XPNPEP2: variants seen among roughly 807,000 people sequenced by gnomAD.
XPNPEP2 encodes xaa-Pro aminopeptidase 2.
Under a neutral mutation model 59.8 loss-of-function variants are expected in XPNPEP2, and 64 were observed. The observed-to-expected ratio is 1.07, with a 90% confidence interval of 0.87 to 1.32. The LOEUF is 1.32. XPNPEP2 is among the 40% of genes most tolerant of loss of function. The pLI, the probability that XPNPEP2 is intolerant of heterozygous loss-of-function variation, is 0.00. For synonymous variants in XPNPEP2, 235 were observed against 210.0 expected, an observed-to-expected ratio of 1.12 and a Z score of -1.03; for missense variants, 575 against 546.8, an observed-to-expected ratio of 1.05 and a Z score of -0.51.
intron 14 of XPNPEP2, among the ~76,000 whole-genome samples, chrX:129,757,709 C>T (rs188435748): frequency 9.5e-6 from 1 of 104,805 alleles, no homozygotes; most frequent in African/African-American, 3.5e-5. Context: ...GCAGGAGAAT[C>T]GCTTGAACCC....
intron 3 of XPNPEP2, 28 bp downstream of exon 3, chrX:129,744,099 C>T: frequency 8.6e-7 from 1 of 1,160,200 alleles, no homozygotes; most frequent in Non-Finnish European, 1.2e-6. Context: ...TCCCCCTTGC[C>T]CTCTCTGCTA....
In XPNPEP2 at chrX:129,757,091, C is replaced by CACAT. The variant is rs1556393448; in HGVS notation, c.1367+537_1367+538insCATA. 4.0e-5 allele frequency among the ~76,000 whole-genome samples: 4 copies of CACAT among 100,069 alleles called. No homozygotes were observed. In the East Asian group the frequency reaches 1.0e-3, roughly 25 times the overall value. 86.9% of individuals were successfully genotyped at this position (100,069 alleles called of 115,157 possible). On this transcript the variant is annotated intron_variant, in intron 14 of 20. Coordinates refer to ENST00000371106, the MANE Select transcript of XPNPEP2 (RefSeq NM_003399.6). ...ACACACATACACACACACACACACA[C>CACAT]ATATATATATATGTATGTATTAGTA...
At chrX:129,757,803 GAAAGA>G (rs1926557582) in intron 14 of XPNPEP2, among the ~76,000 whole-genome samples, 1 of 60,776 alleles carries the variant, frequency 1.6e-5, no homozygotes, top group African/African-American at 7.7e-5. Flanking sequence ...AAGGAAGAAA[GAAAGA>G]AAGAAAGAAA....
intron 8 of XPNPEP2, 51 bp downstream of exon 8, chrX:129,750,620 C>T (rs1389888165): frequency 9.6e-7 from 1 of 1,039,370 alleles, no homozygotes. Flanking sequence ...CCCCAATGCC[C>T]CAAGCCTCCC....
intron 1 of XPNPEP2, among the ~76,000 whole-genome samples, chrX:129,741,564 C>G (rs1203783658): frequency 2.7e-5 from 3 of 112,125 alleles, no homozygotes; most frequent in African/African-American, 9.7e-5. Context: ...CCATCTTTCC[C>G]CACCATGGCA....
chrX:129,767,778 C>T (rs1447896727), intron 20 of XPNPEP2, 86 bp downstream of exon 20: 2 of 1,019,219 alleles, frequency 2.0e-6, no homozygotes, highest in African/African-American at 3.8e-5. Context: ...GTCCCTGCCC[C>T]TCCTCCAGGA....
Position 129,747,613 on chromosome X carries a change from G to T in XPNPEP2, c.497G>T (p.Trp166Leu). The T allele has an allele frequency of 8.3e-7, 1 of 1,211,590 alleles. No homozygotes were observed. Residue 166 changes from tryptophan (W) to leucine (L), a missense_variant, in exon 7 of 21, where the codon TGG becomes TTG. Trp to Leu is a moderately conservative substitution (Grantham distance 61). Transcript: ENST00000371106. The stretch of plus-strand genomic sequence containing the variant: ...CTCCTTCTTGTCTCTGCAGACACCT[G>T]GGAGAGTTATGATCTGGCCCTCCAA... Reference protein sequence around the residue: ...FDPFLLSIDTWESYDLALQGS... With the variant: ...FDPFLLSIDTLESYDLALQGS...
chrX:129,746,212 G>T lies in XPNPEP2; in HGVS notation c.299-24G>T, dbSNP rs748170691. On this transcript the variant is annotated intron_variant, in intron 4 of 20. Coordinates refer to ENST00000371106, the MANE Select transcript of XPNPEP2 (RefSeq NM_003399.6). ...ACGTTCCTCCCCTTCACCCTCACCT[G>T]CAAGTTTCTCTGTTCTGCCCCAGGA... 2.0e-5 allele frequency: 24 copies of T among 1,192,928 alleles called. No individual in the cohort carries two copies. In the East Asian group the frequency reaches 2.7e-4, roughly 13 times the overall value.
chrX:129,760,271 A>T (rs1436466837), intron 15 of XPNPEP2, among the ~76,000 whole-genome samples: 1 of 112,512 alleles, frequency 8.9e-6, no homozygotes, highest in Non-Finnish European at 1.9e-5. Context: ...TATTGTAATG[A>T]TCCTCATAGA....
rs1301691244 is a variant in XPNPEP2 at position 129,744,020 on chromosome X, G to A, written c.183G>A (p.Met61Ile). The part of the protein sequence containing the change: ...TMSLTALRQQ[M>I]QTQNLSAYII... ...CACTCACAGCCCTCCGCCAGCAGAT[G>A]CAGACCCAGAATCTCTCAGCCTACA... The change falls in exon 3 of 21, where the codon ATG (methionine) becomes ATA (isoleucine). Residue 61 changes from methionine to isoleucine, a missense_variant. By Grantham distance (10) the Met-to-Ile change is conservative. Transcript: ENST00000371106. 2.5e-6 allele frequency: 3 copies of A among 1,210,342 alleles called. No individual in the cohort carries two copies. The Admixed American group carries it at 6.5e-5, about 26-fold the overall frequency.
rs907594745 is a variant in XPNPEP2, at chrX:129,747,708, C to T, written c.592C>T (p.Pro198Ser). 3 of 1,211,960 alleles carry T rather than the reference C, an allele frequency of 2.5e-6. No individual in the cohort carries two copies. The highest frequency in any genetic ancestry group is 3.3e-6 in the Non-Finnish European group (3 of 895,579). ...VDLVWGSERP[P>S]VPNQPIYALQ... is the part of the protein sequence containing the mutation. ...CCTGGTATGGGGATCAGAGAGGCCA[C>T]CGGTTCCAAATCAACCCATTTATGC... Residue 198 changes from proline to serine, a missense_variant, in exon 7 of 21, where the codon CCG (proline) becomes TCG (serine). Pro to Ser is a moderately conservative substitution (Grantham distance 74). Transcript: ENST00000371106.
chrX:129,767,568 G>A, intron 19 of XPNPEP2, 35 bp from the exon 20 acceptor site: 1 of 1,191,043 alleles, frequency 8.4e-7, no homozygotes, highest in Non-Finnish European at 1.1e-6. Context: ...CTCCCTCACT[G>A]TCCTGCTTAC....
intron 19 of XPNPEP2, among the ~76,000 whole-genome samples, chrX:129,765,192 A>C: frequency 9.0e-6 from 1 of 111,547 alleles, no homozygotes; most frequent in East Asian, 2.8e-4. Flanking sequence ...GGTCTGCAAT[A>C]GCGCAGGGAG....
At chrX:129,760,382 G>T in intron 15 of XPNPEP2, 130 bp from the exon 16 acceptor site, 1 of 663,423 alleles carries the variant, frequency 1.5e-6, no homozygotes, top group South Asian at 3.1e-5. Context: ...ACATAACGAT[G>T]AGACTCCCCC....
intron 15 of XPNPEP2, 82 bp downstream of exon 15, chrX:129,759,322 C>T: frequency 1.8e-6 from 2 of 1,126,149 alleles, no homozygotes; most frequent in South Asian, 1.8e-5. Flanking sequence ...ATTTCAGAGG[C>T]TAAAACTGAA....
At position 129,747,730 on chromosome X, in the gene XPNPEP2, A is replaced by T. The variant is rs772128285; in HGVS notation, c.614A>T (p.Tyr205Phe). 7.4e-6 allele frequency: 9 copies of T among 1,210,560 alleles called. No individual in the cohort carries two copies. The highest frequency in any genetic ancestry group is 2.3e-4 in the Middle Eastern group (1 of 4,346). Residue 205 changes from tyrosine to phenylalanine, a missense_variant, in exon 7 of 21, where the codon TAT (tyrosine) becomes TTT (phenylalanine). Tyr to Phe is a conservative substitution (Grantham distance 22, BLOSUM62 3). Transcript: ENST00000371106. ...ERPPVPNQPI[Y>F]ALQEAFTGST... ...CCACCGGTTCCAAATCAACCCATTT[A>T]TGCCCTGCAGGAGGCATTCACAGGT...
rs1035144632 is a variant in XPNPEP2, at chrX:129,754,593, C to T, written c.1217+12C>T. ...GACAAGTTCCGAGGGTGAAGAGCCACGGCCGTCCTTTTTGGCTGACTGTCT... is the reference window on the plus strand; with the variant it reads ...GACAAGTTCCGAGGGTGAAGAGCCATGGCCGTCCTTTTTGGCTGACTGTCT... On this transcript the variant is annotated intron_variant, in intron 12 of 20. Coordinates refer to ENST00000371106, the MANE Select transcript of XPNPEP2 (RefSeq NM_003399.6). 10 of 1,167,474 alleles carry T rather than the reference C, an allele frequency of 8.6e-6. No individual in the cohort carries two copies. The highest frequency in any genetic ancestry group is 6.9e-6 in the Non-Finnish European group (6 of 870,713).
Position 129,768,462 on chromosome X carries a change from G to A in XPNPEP2, c.2002G>A (p.Ala668Thr). The part of the protein sequence containing the change: ...WASVLVVSTL[A>T]ILGWSV ...CTCTGTGTTAGTGGTCTCCACCCTTGCCATCCTTGGCTGGAGTGTCTAGAG... is the reference window on the plus strand; with the variant it reads ...CTCTGTGTTAGTGGTCTCCACCCTTACCATCCTTGGCTGGAGTGTCTAGAG... The change falls in exon 21 of 21, where the codon GCC becomes ACC. Residue 668 changes from alanine to threonine, a missense_variant. Physicochemically the swap from Ala to Thr is moderately conservative, Grantham distance 58. Transcript: ENST00000371106. The A allele has an allele frequency of 8.4e-7, 1 of 1,185,702 alleles. No individual in the cohort carries two copies. Among genetic ancestry groups the A allele is most frequent in the Non-Finnish European group, 1.1e-6 (1 of 884,193 alleles).
chrX:129,761,880 T>C, intron 17 of XPNPEP2, 126 bp from the exon 18 acceptor site: 3 of 641,383 alleles, frequency 4.7e-6, no homozygotes, highest in Non-Finnish European at 7.7e-6. Flanking sequence ...CAGACAATGA[T>C]GTGATGGACC....
Sources: gnomAD v4.1 joint callset for allele counts (sites outside exome capture counted in the v4.1 genomes callset) on GRCh38, gnomAD v4.1.1 for gene constraint, MANE v1.5 for transcripts, NCBI Gene and HGNC (gene_info 2026-07-23, HGNC 2026-07-21) for gene names.